Variants in EPHA6 observed in about 807,000 individuals in gnomAD.
The protein encoded by EPHA6 is EPH receptor A6.
Under a neutral mutation model 112.0 loss-of-function variants are expected in EPHA6, and 50 were observed. The observed-to-expected ratio is 0.45, with a 90% CI of 0.36 to 0.56. The LOEUF (loss-of-function observed/expected upper bound fraction) is 0.56. Ranked by LOEUF, EPHA6 falls within the 20% of genes least tolerant of loss-of-function variation. The pLI, the probability that EPHA6 is intolerant of heterozygous loss-of-function variation, is 0.00. For synonymous variants in EPHA6, 529 were observed against 490.7 expected (o/e 1.08, Z -1.03); for missense variants, 1,280 against 1,417.4 (o/e 0.90, Z 1.56).
rs76912777 is a variant in EPHA6 at position 97,573,893 on chromosome 3, G to T, written c.2387-18719G>T. The stretch of plus-strand genomic sequence containing the variant: ...ATTTAATATTAATCAAGAAAGCCCA[G>T]AATAAAACAGATAGGCACAGAACTT... On this transcript the variant is annotated intron_variant, in intron 11 of 17. Transcript: ENST00000389672. Among the ~76,000 whole-genome samples, 534 of 151,666 alleles carry T rather than the reference G, an allele frequency of 3.5e-3. 6 individuals are homozygous for T. Among genetic ancestry groups the T allele is most frequent in the Admixed American group, 0.023 (357 of 15,280 alleles).
intron 10 of EPHA6, among the ~76,000 whole-genome samples, chr3:97,528,671 T>C (rs558144519): frequency 6.6e-6 from 1 of 152,300 alleles, no homozygotes; most frequent in East Asian, 1.9e-4. Flanking sequence ...GTGATCCTGA[T>C]ACAGTGGTCC....
intron 5 of EPHA6, among the ~76,000 whole-genome samples, chr3:97,324,423 T>TTCTTTCTTTC (rs1553746302): frequency 3.5e-5 from 5 of 143,430 alleles, no homozygotes; most frequent in African/African-American, 1.3e-4. Flanking sequence ...CTTTCTTTCT[T>TTCTTTCTTTC]TCTTTCTTTC....
At chr3:97,176,527 C>A (rs1216657178) in intron 3 of EPHA6, among the ~76,000 whole-genome samples, 1 of 151,740 alleles carries the variant, frequency 6.6e-6, no homozygotes, top group Non-Finnish European at 1.5e-5. Context: ...GGGTCCCAGG[C>A]TTTTCTTTAC....
chr3:97,204,315 A>G (rs112978185), intron 3 of EPHA6, among the ~76,000 whole-genome samples: 4,210 of 152,210 alleles, frequency 0.028, 192 homozygotes, highest in African/African-American at 0.094. Flanking sequence ...ATTACAGAGC[A>G]CTTACCATGT....
chr3:96,930,400 T>C (rs1182257578), intron 2 of EPHA6, among the ~76,000 whole-genome samples: 1 of 152,196 alleles, frequency 6.6e-6, no homozygotes, highest in African/African-American at 2.4e-5. Flanking sequence ...TCTTTTGTGT[T>C]GATGTTGTTT....
intron 1 of EPHA6, among the ~76,000 whole-genome samples, chr3:96,824,621 T>G (rs1362976250): frequency 1.3e-5 from 2 of 152,036 alleles, no homozygotes; most frequent in African/African-American, 4.8e-5. Context: ...CCCCAACTTG[T>G]GAGAGCTTAC....
chr3:97,268,350 T>A (rs545764824), intron 5 of EPHA6, among the ~76,000 whole-genome samples: 2 of 152,120 alleles, frequency 1.3e-5, no homozygotes, highest in African/African-American at 4.8e-5. Flanking sequence ...GGATAAAAGG[T>A]CAACAGAAAA....
At chr3:97,084,463 G>A (rs565390066) in intron 3 of EPHA6, among the ~76,000 whole-genome samples, 9 of 151,850 alleles carry the variant, frequency 5.9e-5, no homozygotes, top group African/African-American at 1.4e-4. Context: ...AGTACTTTGC[G>A]TTTTGCACAC....
At chr3:97,690,494 T>C (rs543670494) in intron 14 of EPHA6, among the ~76,000 whole-genome samples, 1 of 150,810 alleles carries the variant, frequency 6.6e-6, no homozygotes, top group South Asian at 2.1e-4. Flanking sequence ...GGAGACAGAG[T>C]TTCACTCTTG....
intron 11 of EPHA6, among the ~76,000 whole-genome samples, chr3:97,546,011 C>G (rs2092941753): frequency 6.6e-6 from 1 of 152,198 alleles, no homozygotes; most frequent in South Asian, 2.1e-4. Context: ...GGTCTTGACT[C>G]TTTATCCAAT....
intron 5 of EPHA6, among the ~76,000 whole-genome samples, chr3:97,279,368 T>C (rs1019227939): frequency 1.6e-4 from 24 of 152,202 alleles, no homozygotes; most frequent in Non-Finnish European, 2.8e-4. Context: ...AAAAGCGTGC[T>C]ATTTTATAAG....
intron 2 of EPHA6, among the ~76,000 whole-genome samples, chr3:96,928,667 T>C (rs958751074): frequency 6.6e-6 from 1 of 152,190 alleles, no homozygotes; most frequent in Admixed American, 6.5e-5. Context: ...AGGTCCTGAA[T>C]ATTTTTGTTA....
At chr3:96,984,060 G>T (rs191851200) in intron 2 of EPHA6, among the ~76,000 whole-genome samples, 4 of 152,262 alleles carry the variant, frequency 2.6e-5, no homozygotes, top group Non-Finnish European at 5.9e-5. Flanking sequence ...ACTCGTCAAC[G>T]TCATTCTCCG....
intron 2 of EPHA6, among the ~76,000 whole-genome samples, chr3:96,909,750 A>C (rs1358737664): frequency 6.6e-6 from 1 of 152,000 alleles, no homozygotes; most frequent in African/African-American, 2.4e-5. Context: ...AGTGAAGCCA[A>C]AAGACATATT....
intron 13 of EPHA6, among the ~76,000 whole-genome samples, chr3:97,616,170 G>A (rs2093764462): frequency 6.6e-6 from 1 of 152,082 alleles, no homozygotes; most frequent in South Asian, 2.1e-4. Flanking sequence ...TCAGGTACTG[G>A]AAAATCCAAG....
At chr3:96,918,257 C>T (rs2039583774) in intron 2 of EPHA6, among the ~76,000 whole-genome samples, 1 of 152,034 alleles carries the variant, frequency 6.6e-6, no homozygotes, top group South Asian at 2.1e-4. Flanking sequence ...AGGGAAAAGG[C>T]AACTAATGGC....
chr3:97,244,386 A>G lies in EPHA6; in HGVS notation c.1606+99A>G. ...TATTTATTGCAGGTGCTATGCAGTC[A>G]TATACGTTATACACTGCAGAGGTAA... On this transcript the variant is annotated intron_variant, in intron 5 of 17. Transcript: ENST00000389672. The G allele has an allele frequency of 3.1e-6, 3 of 979,114 alleles. No homozygotes were observed. The Admixed American group carries it at 5.8e-5, about 19-fold the overall frequency. 60.7% of individuals were successfully genotyped at this position (979,114 alleles called of 1,614,324 possible). A position where few individuals can be genotyped will look rare whatever the true frequency, so the allele number is the denominator to read the frequency against.
At chr3:97,151,930 TTAA>T in intron 3 of EPHA6, among the ~76,000 whole-genome samples, 1 of 152,158 alleles carries the variant, frequency 6.6e-6, no homozygotes, top group East Asian at 1.9e-4. Context: ...AGCGTTTTTA[TTAA>T]TAAATGGAAT....
At chr3:97,444,884 A>G (rs9852325) in intron 6 of EPHA6, among the ~76,000 whole-genome samples, 22,756 of 151,994 alleles carry the variant, frequency 0.15, 5,367 homozygotes, top group African/African-American at 0.5. Context: ...TAAACGAAAG[A>G]TTCAGTGTGA....
Sources: allele counts gnomAD v4.1 joint callset (sites outside exome capture counted in the v4.1 genomes callset), GRCh38; gene constraint gnomAD v4.1.1; transcripts MANE v1.5; gene names NCBI Gene and HGNC (gene_info 2026-07-23, HGNC 2026-07-21).